Variants in DNAH8 observed in about 807,000 individuals in gnomAD.
DNAH8 encodes dynein axonemal heavy chain 8, also known as axonemal beta dynein heavy chain 8.
Under a neutral mutation model 562.1 loss-of-function variants are expected in DNAH8, and 382 were observed. That is an observed-to-expected ratio of 0.68 (90% confidence interval 0.63 to 0.74). The LOEUF (loss-of-function observed/expected upper bound fraction) is 0.74. Among genes scored for constraint, DNAH8 ranks in the 30% least tolerant of loss-of-function variants. The pLI is 0.00. For missense variants in DNAH8, 5,203 were observed against 5,620.4 expected, an observed-to-expected ratio of 0.93 and a Z score of 2.37; for synonymous variants, 1,881 against 1,919.4, an observed-to-expected ratio of 0.98 and a Z score of 0.52.
intron 3 of DNAH8, among the ~76,000 whole-genome samples, chr6:38,725,406 C>G (rs943661555): frequency 2.6e-5 from 4 of 151,894 alleles, no homozygotes; most frequent in Admixed American, 2.6e-4. Context: ...TTCATGTCGT[C>G]CAGTATCCTT....
chr6:38,919,062 A>G (rs193278752), intron 70 of DNAH8, among the ~76,000 whole-genome samples: 211 of 152,292 alleles, frequency 1.4e-3, no homozygotes, highest in Non-Finnish European at 2.5e-3. Context: ...ATACTAAGGG[A>G]GAAATCTTAC....
intron 88 of DNAH8, 47 bp from the exon 89 acceptor site, chr6:39,008,767 T>C: frequency 8.1e-7 from 1 of 1,235,478 alleles, no homozygotes; most frequent in African/African-American, 1.5e-5. Context: ...CACTTATCTC[T>C]TACATGTTTC....
Position 39,012,270 on chromosome 6 carries a change from G to A in DNAH8, c.13427G>A (p.Arg4476Lys), listed in dbSNP as rs762630419. 7 of 1,610,478 alleles carry A rather than the reference G, an allele frequency of 4.3e-6. No individual in the cohort carries two copies. The African/African-American group carries it at 8.0e-5, about 18-fold the overall frequency. ...GHLNSMNIFLRQEIDRMQRVI... is the reference protein window; with the variant it reads ...GHLNSMNIFLKQEIDRMQRVI... ...CTTAATTCAATGAACATATTTCTTA[G>A]ACAAGAAATTGACAGAATGCAAAGA... The change falls in exon 90 of 93, where the codon AGA (arginine) becomes AAA (lysine). Residue 4476 changes from arginine (R) to lysine (K), a missense_variant. Physicochemically the swap from Arg to Lys is conservative, Grantham distance 26. Around this residue, in one of 6 missense-constraint regions of DNAH8, gnomAD observed 1,399 missense variants for 1,518.4 expected, o/e 0.92. Transcript: ENST00000327475.
chr6:38,882,007 G>T (rs913255135), intron 53 of DNAH8, among the ~76,000 whole-genome samples: 1 of 152,132 alleles, frequency 6.6e-6, no homozygotes, highest in African/African-American at 2.4e-5. Flanking sequence ...TTTCAGGCAA[G>T]GTTTCTCCAG....
intron 24 of DNAH8, among the ~76,000 whole-genome samples, chr6:38,809,175 T>G (rs6912563): frequency 6.6e-6 from 1 of 152,070 alleles, no homozygotes; most frequent in African/African-American, 2.4e-5. Flanking sequence ...TCTTAGTATA[T>G]TACATTATTG....
chr6:38,862,416 T>C lies in DNAH8; in HGVS notation c.6268T>C (p.Ser2090Pro). The stretch of plus-strand genomic sequence containing the variant: ...AAAATATGTGGTCGTGTTCAATTGC[T>C]CAGATCAAATGGATTTCAGAGGCCT... ...LGKYVVVFNC[S>P]DQMDFRGLGR... The change falls in exon 44 of 93, where the codon TCA (serine) becomes CCA (proline). Residue 2090 changes from serine (S) to proline (P), a missense_variant. Coordinates refer to ENST00000327475, the MANE Select transcript of DNAH8 (RefSeq NM_001206927.2). 1 of 1,614,096 alleles carries C rather than the reference T, an allele frequency of 6.2e-7. No homozygotes were observed.
chr6:38,866,774 T>C lies in DNAH8; in HGVS notation c.6591T>C (p.Ile2197=). The part of the protein sequence containing the change: ...VAMMVPDRQI[I]MRVKLASCGF... ...CTCACTATATTAATTTTCAGATCAT[T>C]ATGAGAGTTAAACTTGCAAGCTGTG... The change falls in exon 47 of 93, where the codon ATT becomes ATC. Residue 2197 remains isoleucine, a synonymous_variant. Transcript: ENST00000327475. 6.2e-7 allele frequency: 1 copy of C among 1,610,144 alleles called. No individual in the cohort carries two copies. The highest frequency in any genetic ancestry group is 8.5e-7 in the Non-Finnish European group (1 of 1,177,698).
chr6:38,867,990 C>A, intron 47 of DNAH8, 72 bp from the exon 48 acceptor site: 1 of 1,486,952 alleles, frequency 6.7e-7, no homozygotes, highest in Non-Finnish European at 9.1e-7. Flanking sequence ...GACCTATATG[C>A]ATAGAGTGAG....
At chr6:38,896,302 AC>A in intron 60 of DNAH8, 77 bp downstream of exon 60, 1 of 1,209,776 alleles carries the variant, frequency 8.3e-7, no homozygotes, top group Non-Finnish European at 1.2e-6. Context: ...CCAGAGTCCT[AC>A]CATGGAGTTG....
At chr6:38,819,185 C>A (rs574475112) in intron 26 of DNAH8, among the ~76,000 whole-genome samples, 10 of 152,300 alleles carry the variant, frequency 6.6e-5, no homozygotes, top group Admixed American at 1.3e-4. Context: ...AATTAATGTT[C>A]TTTCCTTTAT....
chr6:38,792,968 G>A (rs7773144), intron 21 of DNAH8, among the ~76,000 whole-genome samples: 22,530 of 151,900 alleles, frequency 0.15, 2,016 homozygotes, highest in Non-Finnish European at 0.2. Context: ...TTTTTGTAGA[G>A]ACAGGGTTTC....
intron 68 of DNAH8, among the ~76,000 whole-genome samples, chr6:38,916,758 A>G (rs762077573): frequency 6.6e-6 from 1 of 152,190 alleles, no homozygotes; most frequent in Non-Finnish European, 1.5e-5. Context: ...GCCAATGGAT[A>G]GAAATTTTCA....
Position 38,842,902 on chromosome 6 carries a change from A to G in DNAH8, c.4844A>G (p.Glu1615Gly), listed in dbSNP as rs1562965775. The change falls in exon 35 of 93, where the codon GAG becomes GGG. Residue 1615 changes from glutamate to glycine, a missense_variant and splice_region_variant. Glu to Gly is a moderately conservative substitution (Grantham distance 98). This residue lies in a region of DNAH8 where 2,176 missense variants were observed against 2,365.1 expected (regional missense o/e 0.92). Transcript: ENST00000327475. ...APLLKHKDDI[E>G]DICISAIKEK... ...CTCCTTAAACATAAGGATGATATTG[A>G]GGTACATAAGTGTATACGTTCTTAT... 6.2e-7 allele frequency: 1 copy of G among 1,613,330 alleles called. No individual in the cohort carries two copies. Among genetic ancestry groups the G allele is most frequent in the Non-Finnish European group, 8.5e-7 (1 of 1,179,546 alleles).
chr6:38,775,264 C>T (rs1215471748), intron 12 of DNAH8, among the ~76,000 whole-genome samples: 1 of 152,080 alleles, frequency 6.6e-6, no homozygotes, highest in Non-Finnish European at 1.5e-5. Flanking sequence ...GAGGGTTTCC[C>T]AGGTCTCATC....
intron 76 of DNAH8, among the ~76,000 whole-genome samples, chr6:38,935,175 C>CT (rs1180701466): frequency 2.0e-5 from 3 of 152,138 alleles, no homozygotes; most frequent in African/African-American, 7.2e-5. Context: ...TGGGTAGCCC[C>CT]TTGGTTTCTT....
chr6:38,985,132 T>A (rs540974476), intron 87 of DNAH8, among the ~76,000 whole-genome samples: 4 of 152,250 alleles, frequency 2.6e-5, no homozygotes, highest in Admixed American at 2.6e-4. Context: ...TCACTTTTTC[T>A]CTGTGCCAAA....
intron 82 of DNAH8, among the ~76,000 whole-genome samples, chr6:38,960,462 A>G (rs1338025732): frequency 6.6e-6 from 1 of 151,966 alleles, no homozygotes; most frequent in Non-Finnish European, 1.5e-5. Context: ...AGTGGACAAG[A>G]GATCCAAACA....
chr6:38,727,319 A>G (rs780303356), intron 3 of DNAH8, among the ~76,000 whole-genome samples: 5 of 152,210 alleles, frequency 3.3e-5, no homozygotes, highest in Non-Finnish European at 7.3e-5. Context: ...TGGCATAGAA[A>G]GCTGAACTCT....
At chr6:38,742,031 T>G (rs1194625643) in intron 8 of DNAH8, 144 bp downstream of exon 8, 35 of 591,966 alleles carry the variant, frequency 5.9e-5, no homozygotes. Context: ...TATATCACAG[T>G]TATTTCCAGA....
Sources: allele counts gnomAD v4.1 joint callset (sites outside exome capture counted in the v4.1 genomes callset), GRCh38; gene constraint gnomAD v4.1.1; regional missense constraint gnomAD v4.1.1; transcripts MANE v1.5; gene names NCBI Gene and HGNC (gene_info 2026-07-23, HGNC 2026-07-21).